TMEM108: variants seen among roughly 807,000 people sequenced by gnomAD.
TMEM108 encodes cancer/testis antigen 124.
A neutral mutation model predicts 35.1 loss-of-function variants in TMEM108; 12 were observed. The ratio of observed to expected loss-of-function variants is 0.34; its 90% CI spans 0.22 to 0.55. TMEM108 has a LOEUF of 0.55. Among genes scored for constraint, TMEM108 ranks in the 20% least tolerant of loss-of-function variants. TMEM108 has a pLI of 0.89. For missense variants in TMEM108, 680 were observed against 753.3 expected (o/e 0.90, Z 1.14); for synonymous variants, 287 against 308.6 (o/e 0.93, Z 0.73).
intron 2 of TMEM108, among the ~76,000 whole-genome samples, chr3:133,221,660 C>CTTTTTTT (rs3078806): frequency 9.9e-5 from 6 of 60,354 alleles, no homozygotes; most frequent in Non-Finnish European, 1.2e-4. Flanking sequence ...ACATTGATTC[C>CTTTTTTT]TTTTTTTTTT....
At chr3:133,371,613 CAAAAAAAAAAAAAA>C (rs3054624) in intron 3 of TMEM108, among the ~76,000 whole-genome samples, 2 of 78,058 alleles carry the variant, frequency 2.6e-5, no homozygotes, top group Non-Finnish European at 4.4e-5. Context: ...CACAAACCCA[CAAAAAAAAAAAAAA>C]AAAAAAAAAA....
chr3:133,297,325 T>C (rs914277021), intron 3 of TMEM108, among the ~76,000 whole-genome samples: 1 of 151,774 alleles, frequency 6.6e-6, no homozygotes, highest in African/African-American at 2.4e-5. Context: ...ACTGAGGGTT[T>C]TCATTTTTGT....
intron 2 of TMEM108, among the ~76,000 whole-genome samples, chr3:133,088,728 C>G (rs1943912713): frequency 6.6e-6 from 1 of 152,118 alleles, no homozygotes; most frequent in Admixed American, 6.5e-5. Flanking sequence ...TCGCTGCTTG[C>G]TAGATTGACT....
At chr3:133,115,130 G>GA (rs1944271261) in intron 2 of TMEM108, among the ~76,000 whole-genome samples, 1 of 152,076 alleles carries the variant, frequency 6.6e-6, no homozygotes, top group Non-Finnish European at 1.5e-5. Flanking sequence ...GCCAAATTGG[G>GA]AAAAAATGGA....
intron 2 of TMEM108, among the ~76,000 whole-genome samples, chr3:133,199,099 T>C (rs1256040171): frequency 6.6e-6 from 1 of 152,252 alleles, no homozygotes; most frequent in Non-Finnish European, 1.5e-5. Flanking sequence ...AGGTTGTGCA[T>C]TCGTCACCTA....
intron 2 of TMEM108, among the ~76,000 whole-genome samples, chr3:133,226,184 GT>G: frequency 6.6e-6 from 1 of 152,298 alleles, no homozygotes; most frequent in Non-Finnish European, 1.5e-5. Flanking sequence ...AAGATAATTG[GT>G]GGTGGAAACC....
chr3:133,180,212 A>C (rs948795080), intron 2 of TMEM108, among the ~76,000 whole-genome samples: 3 of 152,142 alleles, frequency 2.0e-5, no homozygotes, highest in African/African-American at 7.2e-5. Flanking sequence ...AAAATAAATA[A>C]ATTCAAAATG....
At chr3:133,238,906 A>G (rs1439306896) in intron 3 of TMEM108, among the ~76,000 whole-genome samples, 1 of 152,176 alleles carries the variant, frequency 6.6e-6, no homozygotes, top group African/African-American at 2.4e-5. Flanking sequence ...TCATTTCCCT[A>G]GTGTGAGGAG....
At chr3:133,302,418 T>C (rs1576442718) in intron 3 of TMEM108, among the ~76,000 whole-genome samples, 1 of 117,762 alleles carries the variant, frequency 8.5e-6, no homozygotes, top group African/African-American at 3.2e-5. Flanking sequence ...TTTCTTTCTT[T>C]TTTTTTTTTT....
At chr3:133,204,942 CTT>C (rs568407140) in intron 2 of TMEM108, among the ~76,000 whole-genome samples, 199 of 152,286 alleles carry the variant, frequency 1.3e-3, no homozygotes, top group Non-Finnish European at 2.3e-3. Flanking sequence ...GTCTAAGTCT[CTT>C]TGTAGGTCTC....
At chr3:133,040,984 A>G (rs140360183) in intron 1 of TMEM108, among the ~76,000 whole-genome samples, 1 of 152,186 alleles carries the variant, frequency 6.6e-6, no homozygotes, top group East Asian at 1.9e-4. Context: ...GAGCCTTCAT[A>G]TTGAGAGGGA....
chr3:133,373,002 G>C (rs1032079616), intron 3 of TMEM108, among the ~76,000 whole-genome samples: 1 of 152,178 alleles, frequency 6.6e-6, no homozygotes, highest in Non-Finnish European at 1.5e-5. Flanking sequence ...GTTTATATTT[G>C]ATCTTTAATA....
intron 2 of TMEM108, among the ~76,000 whole-genome samples, chr3:133,111,417 C>T (rs1362709736): frequency 6.6e-6 from 1 of 152,078 alleles, no homozygotes; most frequent in Non-Finnish European, 1.5e-5. Context: ...AGATTTTCTT[C>T]ACCCTTTCTT....
At chr3:133,320,140 C>G (rs181033335) in intron 3 of TMEM108, among the ~76,000 whole-genome samples, 40 of 152,104 alleles carry the variant, frequency 2.6e-4, no homozygotes, top group African/African-American at 8.7e-4. Context: ...CCAAAAAGAC[C>G]ATACTAGCTC....
intron 3 of TMEM108, among the ~76,000 whole-genome samples, chr3:133,255,161 G>T (rs1186186705): frequency 6.6e-6 from 1 of 152,198 alleles, no homozygotes; most frequent in Non-Finnish European, 1.5e-5. Flanking sequence ...CAGGCTTGAG[G>T]GAAGGGAAAA....
intron 3 of TMEM108, among the ~76,000 whole-genome samples, chr3:133,367,711 C>T (rs2072540769): frequency 1.3e-5 from 2 of 152,236 alleles, no homozygotes; most frequent in Admixed American, 6.5e-5. Context: ...AGCAGGCAGG[C>T]TGTGTGCCAG....
intron 3 of TMEM108, among the ~76,000 whole-genome samples, chr3:133,236,871 C>T (rs1268043921): frequency 1.3e-5 from 2 of 151,888 alleles, no homozygotes; most frequent in East Asian, 3.9e-4. Context: ...CTCAGATGTC[C>T]TCCTGTGGTC....
At chr3:133,092,990 GTT>G (rs11293731) in intron 2 of TMEM108, among the ~76,000 whole-genome samples, 42 of 137,582 alleles carry the variant, frequency 3.1e-4, no homozygotes, top group Admixed American at 4.4e-4. Context: ...TGTAGGTAAA[GTT>G]TTTTTTTTTT....
At chr3:133,065,016 C>A (rs997726941) in intron 2 of TMEM108, among the ~76,000 whole-genome samples, 5 of 152,160 alleles carry the variant, frequency 3.3e-5, no homozygotes, top group African/African-American at 4.8e-5. Context: ...CAGACCCCTT[C>A]CAGCCTGTAA....
Sources: allele counts gnomAD v4.1 joint callset (sites outside exome capture counted in the v4.1 genomes callset), GRCh38; gene constraint gnomAD v4.1.1; transcripts MANE v1.5; gene names NCBI Gene and HGNC (gene_info 2026-07-23, HGNC 2026-07-21).